Variants in GATAD1 observed in about 807,000 individuals in gnomAD.
GATAD1 encodes the protein GATA zinc finger domain containing 1.
In GATAD1, 12 loss-of-function variants were observed where a neutral mutation model predicts 26.5. The ratio of observed to expected loss-of-function variants is 0.45; its 90% CI spans 0.29 to 0.73. The LOEUF is 0.73. GATAD1 is among the 30% of genes least tolerant of loss of function. The pLI is 0.10. For synonymous variants in GATAD1, 129 were observed against 133.1 expected (o/e 0.97, Z 0.21); for missense variants, 266 against 342.1 (o/e 0.78, Z 1.75).
the GATAD1 span, among the ~76,000 whole-genome samples, chr7:92,478,707 AC>A: frequency 6.6e-6 from 1 of 152,184 alleles, no homozygotes; most frequent in Non-Finnish European, 1.5e-5. Flanking sequence ...AGCAACCCTC[AC>A]CCATTCCAAA....
At chr7:92,453,616 CAT>C (rs1789533175) in intron 3 of GATAD1, among the ~76,000 whole-genome samples, 1 of 152,316 alleles carries the variant, frequency 6.6e-6, no homozygotes, top group East Asian at 1.9e-4. Flanking sequence ...TTGAGGTAAA[CAT>C]ATCCTGAAGA....
the GATAD1 span, among the ~76,000 whole-genome samples, chr7:92,484,169 A>T: frequency 6.6e-6 from 1 of 152,208 alleles, no homozygotes; most frequent in Non-Finnish European, 1.5e-5. Flanking sequence ...TTTGTACTGC[A>T]GCCACGCAGT....
the GATAD1 span, chr7:92,468,955 A>G: frequency 1.3e-6 from 1 of 763,696 alleles, no homozygotes. Context: ...TCTGGAAGAG[A>G]CAAAGTTAAC....
chr7:92,493,935 T>G, the GATAD1 span: 1 of 279,980 alleles, frequency 3.6e-6, no homozygotes, highest in Non-Finnish European at 6.9e-6. Flanking sequence ...CCTGCTTACA[T>G]GCTTACGATT....
At chr7:92,449,972 G>T (rs1789353838) in intron 2 of GATAD1, 1 of 152,036 alleles carries the variant, frequency 6.6e-6, no homozygotes, top group Admixed American at 6.5e-5. Context: ...AGTTAAGTGA[G>T]GCATTTGTTG....
At chr7:92,472,292 G>T in the GATAD1 span, 1 of 152,174 alleles carries the variant, frequency 6.6e-6, no homozygotes, top group African/African-American at 2.4e-5. Flanking sequence ...CAGTGAGTAT[G>T]CCATTCACAT....
chr7:92,493,153 A>T, the GATAD1 span: 2 of 1,331,722 alleles, frequency 1.5e-6, no homozygotes, highest in East Asian at 2.4e-5. Flanking sequence ...AATTTATTTA[A>T]CAAATAAAAA....
the GATAD1 span, chr7:92,469,724 C>T: frequency 1.0e-5 from 8 of 764,030 alleles, no homozygotes; most frequent in Admixed American, 1.7e-5. Flanking sequence ...AGAGGTCCTA[C>T]TAAAACGGAA....
the GATAD1 span, among the ~76,000 whole-genome samples, chr7:92,484,105 T>C: frequency 1.3e-5 from 2 of 152,074 alleles, no homozygotes; most frequent in Admixed American, 6.5e-5. Context: ...CTAGATCTTG[T>C]AGGATGGAGA....
At chr7:92,452,175 C>A (rs1455383994) in intron 3 of GATAD1, among the ~76,000 whole-genome samples, 1 of 152,338 alleles carries the variant, frequency 6.6e-6, no homozygotes, top group South Asian at 2.1e-4. Context: ...TGTTGAGCTA[C>A]GGGTTTAGTG....
chr7:92,458,318 C>G lies in GATAD1; in HGVS notation c.*1756C>G, dbSNP rs559783173. 1 of 152,116 alleles carries G rather than the reference C, an allele frequency of 6.6e-6. No individual in the cohort carries two copies. 9.4% of individuals were successfully genotyped at this position (152,116 alleles called of 1,614,324 possible). On this transcript the variant is annotated 3_prime_UTR_variant, in exon 5 of 5. Transcript: ENST00000287957. ...CACCAAAGCCGCAGAGGAAACATGTCGAGATCAGGCTTCCTGCTTGATAGT... is the reference window on the plus strand; with the variant it reads ...CACCAAAGCCGCAGAGGAAACATGTGGAGATCAGGCTTCCTGCTTGATAGT...
the GATAD1 span, among the ~76,000 whole-genome samples, chr7:92,480,811 C>G: frequency 6.6e-6 from 1 of 152,108 alleles, no homozygotes; most frequent in Admixed American, 6.5e-5. Context: ...TTTGGTGGCC[C>G]TTGCAGTGTG....
At chr7:92,469,432 C>T in the GATAD1 span, 2 of 771,610 alleles carry the variant, frequency 2.6e-6, no homozygotes, top group Admixed American at 3.4e-5. Context: ...AATGGGTACT[C>T]TTTTGTTGCG....
chr7:92,472,056 A>C, the GATAD1 span: 1 of 152,182 alleles, frequency 6.6e-6, no homozygotes, highest in Non-Finnish European at 1.5e-5. Context: ...ATCAGTATAC[A>C]AGTTGAGGTC....
the GATAD1 span, chr7:92,487,070 C>T: frequency 6.5e-6 from 1 of 154,642 alleles, no homozygotes; most frequent in Non-Finnish European, 1.4e-5. Context: ...GAAGAAGCTG[C>T]TAAGCATAAA....
the GATAD1 span, chr7:92,493,144 AT>A: frequency 1.4e-6 from 2 of 1,448,910 alleles, no homozygotes; most frequent in Non-Finnish European, 1.9e-6. Context: ...AAGGAGAAAA[AT>A]TTATTTAACA....
At chr7:92,453,329 CAT>C (rs1467649763) in intron 3 of GATAD1, among the ~76,000 whole-genome samples, 1 of 152,176 alleles carries the variant, frequency 6.6e-6, no homozygotes, top group Non-Finnish European at 1.5e-5. Flanking sequence ...TGCTGGATGT[CAT>C]AAAGATTTGG....
At chr7:92,492,899 T>C in the GATAD1 span, 1 of 1,359,926 alleles carries the variant, frequency 7.4e-7, no homozygotes, top group Non-Finnish European at 1.1e-6. Flanking sequence ...ATTTTGACAT[T>C]GTACTTCTTT....
the GATAD1 span, among the ~76,000 whole-genome samples, chr7:92,467,481 C>A: frequency 6.6e-6 from 1 of 152,296 alleles, no homozygotes; most frequent in East Asian, 1.9e-4. Context: ...CAGTGCCCAT[C>A]CTAAATTTGG....
Sources: gnomAD v4.1 joint callset for allele counts (sites outside exome capture counted in the v4.1 genomes callset) on GRCh38, gnomAD v4.1.1 for gene constraint, MANE v1.5 for transcripts, NCBI Gene and HGNC (gene_info 2026-07-23, HGNC 2026-07-21) for gene names.